The following EYA2 variants were observed in gnomAD, a reference collection of about 807,000 sequenced individuals.
EYA2 encodes EYA transcriptional coactivator and phosphatase 2.
In EYA2, 31 loss-of-function variants were observed where a neutral mutation model predicts 69.2. The ratio of observed to expected loss-of-function variants is 0.45; its 90% confidence interval spans 0.34 to 0.60. The LOEUF is 0.60. Ranked by LOEUF, EYA2 falls within the 20% of genes least tolerant of loss-of-function variation. EYA2 has a pLI of 0.02. For synonymous variants in EYA2, 257 were observed against 279.4 expected, an observed-to-expected ratio of 0.92 and a Z score of 0.80; for missense variants, 622 against 701.2, an observed-to-expected ratio of 0.89 and a Z score of 1.28.
At chr20:47,054,084 TCA>T (rs1467020666) in intron 5 of EYA2, among the ~76,000 whole-genome samples, 2 of 152,088 alleles carry the variant, frequency 1.3e-5, no homozygotes, top group Non-Finnish European at 2.9e-5. Context: ...GAAGTACCTG[TCA>T]CACAGTAAGA....
At chr20:47,025,865 A>G (rs894927331) in intron 5 of EYA2, among the ~76,000 whole-genome samples, 1 of 152,192 alleles carries the variant, frequency 6.6e-6, no homozygotes, top group Non-Finnish European at 1.5e-5. Context: ...TGCCAATCTG[A>G]TGCGTGAAGA....
chr20:47,165,813 G>C (rs2034173168), intron 10 of EYA2, among the ~76,000 whole-genome samples: 1 of 152,050 alleles, frequency 6.6e-6, no homozygotes, highest in African/African-American at 2.4e-5. Context: ...TTCCAGCCCA[G>C]CTCCCCACAG....
chr20:47,024,672 C>G (rs1452164530), intron 5 of EYA2, among the ~76,000 whole-genome samples: 1 of 152,248 alleles, frequency 6.6e-6, no homozygotes, highest in Non-Finnish European at 1.5e-5. Flanking sequence ...GACCACGGGC[C>G]TCCACCTGGG....
intron 1 of EYA2, among the ~76,000 whole-genome samples, chr20:46,981,624 G>A (rs1464304417): frequency 6.6e-6 from 1 of 152,074 alleles, no homozygotes; most frequent in Non-Finnish European, 1.5e-5. Flanking sequence ...CTTTCTTCAT[G>A]CACATTAATT....
chr20:47,053,320 T>C (rs2030436269), intron 5 of EYA2, among the ~76,000 whole-genome samples: 1 of 152,212 alleles, frequency 6.6e-6, no homozygotes, highest in Admixed American at 6.5e-5. Context: ...GCCACGGACA[T>C]GCTGTACATC....
intron 5 of EYA2, among the ~76,000 whole-genome samples, chr20:47,070,569 T>A (rs1319649096): frequency 1.3e-5 from 2 of 152,334 alleles, no homozygotes; most frequent in East Asian, 3.9e-4. Flanking sequence ...AAAATATATA[T>A]CCATACAAAG....
chr20:46,976,909 A>AT (rs3092018), intron 1 of EYA2, among the ~76,000 whole-genome samples: 106,465 of 152,064 alleles, frequency 0.7, 38,141 homozygotes, highest in African/African-American at 0.75. Context: ...TGCTCCAGTC[A>AT]TGTGGAATTC....
chr20:47,072,026 G>A (rs2031330814), intron 5 of EYA2, 159 bp from the exon 6 acceptor site: 3 of 688,978 alleles, frequency 4.4e-6, no homozygotes, highest in Non-Finnish European at 7.7e-6. Context: ...GGTTGCTTTG[G>A]GAACGCTGGT....
chr20:47,002,036 A>G (rs1184511201), intron 3 of EYA2, among the ~76,000 whole-genome samples: 1 of 150,972 alleles, frequency 6.6e-6, no homozygotes, highest in East Asian at 2.0e-4. Flanking sequence ...GGTTCAAGTA[A>G]TTCTGCCTCA....
In EYA2 at chr20:47,016,264, A is replaced by G; in HGVS notation, c.382A>G (p.Thr128Ala). 1 of 1,613,982 alleles carries G rather than the reference A, an allele frequency of 6.2e-7. No homozygotes were observed. Among genetic ancestry groups the G allele is most frequent in the Non-Finnish European group, 8.5e-7 (1 of 1,179,964 alleles). Residue 128 changes from threonine to alanine, a missense_variant, in exon 5 of 16, where the codon ACT becomes GCT. By Grantham distance (58) the Thr-to-Ala change is moderately conservative. Around this residue, in one of 2 missense-constraint regions of EYA2, gnomAD observed 365 missense variants for 349.7 expected, o/e 1.04. Transcript: ENST00000327619. ...SYGSSFSTSP[T>A]GQSPYTYQMH... ...TGGCTCCAGCTTCAGCACCTCACCC[A>G]CTGGACAGAGCCCATACACCTACCA...
At chr20:47,035,449 T>C (rs1324349495) in intron 5 of EYA2, among the ~76,000 whole-genome samples, 1 of 152,122 alleles carries the variant, frequency 6.6e-6, no homozygotes, top group African/African-American at 2.4e-5. Flanking sequence ...CCGTACCAAA[T>C]TGACTTTATT....
chr20:47,068,470 A>G (rs943823250), intron 5 of EYA2, among the ~76,000 whole-genome samples: 6 of 152,196 alleles, frequency 3.9e-5, no homozygotes, highest in African/African-American at 1.2e-4. Context: ...AGAATTTGGC[A>G]TGGACTATTG....
At chr20:47,071,731 T>C (rs1377841022) in intron 5 of EYA2, 1 of 165,438 alleles carries the variant, frequency 6.0e-6, no homozygotes, top group African/African-American at 2.4e-5. Context: ...CAGAGAAATT[T>C]GGTAACCAAA....
At chr20:47,136,772 A>G (rs951418037) in intron 9 of EYA2, among the ~76,000 whole-genome samples, 5 of 151,970 alleles carry the variant, frequency 3.3e-5, no homozygotes, top group African/African-American at 1.2e-4. Flanking sequence ...TTCATCAAGA[A>G]TGCATAATAG....
rs139477162 is a variant in EYA2 at position 46,966,121 on chromosome 20, C to T, written c.-10-23880C>T. 5.0e-3 allele frequency among the ~76,000 whole-genome samples: 768 copies of T among 152,310 alleles called. 5 individuals are homozygous for T. The highest frequency in any genetic ancestry group is 0.018 in the African/African-American group (743 of 41,552). On this transcript the variant is annotated intron_variant, in intron 1 of 15. Transcript: ENST00000327619. Reference sequence around the variant, plus strand: ...AACCAGGATATGAACGAGGCAACCTCTTACAGTCTTTTTTTCTTTTTCTTT... The same window carrying T: ...AACCAGGATATGAACGAGGCAACCTTTTACAGTCTTTTTTTCTTTTTCTTT...
Position 47,003,264 on chromosome 20 carries a change from T to G in EYA2, c.156-1678T>G, listed in dbSNP as rs115850708. Among the ~76,000 whole-genome samples the G allele has an allele frequency of 6.7e-3, 1,019 of 152,316 alleles. 13 individuals carry two copies. The highest frequency in any genetic ancestry group is 0.022 in the African/African-American group (901 of 41,558). On this transcript the variant is annotated intron_variant, in intron 3 of 15. Transcript: ENST00000327619. ...TGTTTTCTTACCTGTAAAATGGGGA[T>G]AGAAACAAAAATTACCTCCAAGGCT...
At chr20:47,061,771 C>A (rs1240562169) in intron 5 of EYA2, among the ~76,000 whole-genome samples, 1 of 152,202 alleles carries the variant, frequency 6.6e-6, no homozygotes. Context: ...GAGTTTGGGA[C>A]TGTTGCATCA....
chr20:47,123,669 T>A (rs887404450), intron 9 of EYA2, among the ~76,000 whole-genome samples: 1 of 152,108 alleles, frequency 6.6e-6, no homozygotes, highest in Non-Finnish European at 1.5e-5. Flanking sequence ...ACAGCAACAT[T>A]AGGCATCAAG....
At chr20:46,902,104 C>CT (rs1984143976) in intron 1 of EYA2, among the ~76,000 whole-genome samples, 1 of 151,978 alleles carries the variant, frequency 6.6e-6, no homozygotes, top group Non-Finnish European at 1.5e-5. Flanking sequence ...TAGAATCAGG[C>CT]TTTTTTTGAG....
Sources: allele counts gnomAD v4.1 joint callset (sites outside exome capture counted in the v4.1 genomes callset), GRCh38; gene constraint gnomAD v4.1.1; regional missense constraint gnomAD v4.1.1; transcripts MANE v1.5; gene names NCBI Gene and HGNC (gene_info 2026-07-23, HGNC 2026-07-21).